The following APP variants were observed in gnomAD, a reference collection of about 807,000 sequenced individuals.
The protein encoded by APP is amyloid beta precursor protein.
APP carries 31 observed loss-of-function variants against 101.4 expected under a neutral mutation model. That is an observed-to-expected ratio of 0.31 (90% CI 0.23 to 0.41). APP has a LOEUF of 0.41. Among genes scored for constraint, APP ranks in the 10% least tolerant of loss-of-function variants. The probability of loss-of-function intolerance (pLI) is 1.00; values close to 1 mark genes in which losing one functional copy is unlikely to be tolerated. For missense variants in APP, 839 were observed against 1,003.7 expected (o/e 0.84, Z 2.22); for synonymous variants, 366 against 364.4 (o/e 1.00, Z -0.05).
At position 25,982,055 on chromosome 21, in the gene APP, T is replaced by C. The variant is rs137976973; in HGVS notation, c.1224+289A>G. ...CAACATGTTGATTACAGGTACTACA[T>C]ATACACAGAATAATAATGCCAAGTA... On this transcript the variant is annotated intron_variant, in intron 9 of 17. Transcript: ENST00000346798. 4.7e-3 allele frequency among the ~76,000 whole-genome samples: 709 copies of C among 152,316 alleles called. 6 individuals are homozygous for C. Among genetic ancestry groups the C allele is most frequent in the South Asian group, 8.3e-3 (40 of 4,832 alleles).
At chr21:26,159,357 G>A (rs1021383148) in intron 1 of APP, among the ~76,000 whole-genome samples, 6 of 152,216 alleles carry the variant, frequency 3.9e-5, no homozygotes, top group African/African-American at 1.4e-4. Flanking sequence ...GGGATTACAG[G>A]TGTAAGCCAC....
intron 3 of APP, among the ~76,000 whole-genome samples, chr21:26,077,794 AG>A (rs1285779549): frequency 2.6e-5 from 4 of 151,424 alleles, no homozygotes; most frequent in Non-Finnish European, 5.9e-5. Context: ...AAAAAAAAAA[AG>A]ACAGACACTC....
chr21:25,908,078 G>C (rs1009937066), intron 14 of APP, among the ~76,000 whole-genome samples: 4 of 152,244 alleles, frequency 2.6e-5, no homozygotes, highest in Admixed American at 2.6e-4. Context: ...ATGCTATGCT[G>C]CTCTTTGTGG....
At chr21:25,972,456 A>T (rs1348020915) in intron 11 of APP, among the ~76,000 whole-genome samples, 1 of 151,346 alleles carries the variant, frequency 6.6e-6, no homozygotes, top group African/African-American at 2.4e-5. Flanking sequence ...ACCCAGCAAA[A>T]ATATTTTTCA....
chr21:26,040,267 A>G (rs936095692), intron 5 of APP, among the ~76,000 whole-genome samples: 1 of 152,160 alleles, frequency 6.6e-6, no homozygotes, highest in Non-Finnish European at 1.5e-5. Context: ...GGGATGCTCA[A>G]CCTGTATTTT....
intron 1 of APP, among the ~76,000 whole-genome samples, chr21:26,129,982 A>G (rs2062759892): frequency 6.6e-6 from 1 of 152,236 alleles, no homozygotes; most frequent in African/African-American, 2.4e-5. Flanking sequence ...ATAAATTAAA[A>G]GCAACAGGTA....
chr21:26,075,052 T>G (rs2061477368), intron 3 of APP, among the ~76,000 whole-genome samples: 1 of 152,216 alleles, frequency 6.6e-6, no homozygotes, highest in Non-Finnish European at 1.5e-5. Flanking sequence ...TTTGCCATAA[T>G]CTCAGAAATT....
At chr21:25,885,197 G>C (rs532795445) in intron 17 of APP, among the ~76,000 whole-genome samples, 1 of 152,328 alleles carries the variant, frequency 6.6e-6, no homozygotes, top group African/African-American at 2.4e-5. Context: ...TTGAAAGCTA[G>C]ATGCGAAAAT....
chr21:26,133,621 C>T (rs1448797323), intron 1 of APP, among the ~76,000 whole-genome samples: 1 of 152,044 alleles, frequency 6.6e-6, no homozygotes, highest in East Asian at 1.9e-4. Flanking sequence ...CTCATCTCTA[C>T]TAAAAATACA....
chr21:26,013,266 G>A (rs1568855204), intron 6 of APP, among the ~76,000 whole-genome samples: 1 of 152,062 alleles, frequency 6.6e-6, no homozygotes, highest in Non-Finnish European at 1.5e-5. Context: ...GCAGTGAGCC[G>A]AGATCGCGCC....
intron 6 of APP, among the ~76,000 whole-genome samples, chr21:26,001,896 A>G (rs190928645): frequency 0.033 from 160 of 4,786 alleles, 1 homozygote; most frequent in African/African-American, 0.1. Context: ...CTCTGTCAGT[A>G]ACTCAGAGGG....
chr21:26,151,513 G>T (rs1385551605), intron 1 of APP, among the ~76,000 whole-genome samples: 1 of 151,762 alleles, frequency 6.6e-6, no homozygotes, highest in African/African-American at 2.4e-5. Flanking sequence ...ACCACCATGC[G>T]TAACACTACT....
chr21:26,162,226 G>A (rs2063506476), intron 1 of APP, among the ~76,000 whole-genome samples: 1 of 152,220 alleles, frequency 6.6e-6, no homozygotes, highest in Non-Finnish European at 1.5e-5. Flanking sequence ...CTACTCTGGA[G>A]GCTGGGGCAG....
At chr21:26,137,604 C>T (rs1214004984) in intron 1 of APP, among the ~76,000 whole-genome samples, 3 of 152,136 alleles carry the variant, frequency 2.0e-5, no homozygotes, top group Non-Finnish European at 4.4e-5. Flanking sequence ...GAAATGACCA[C>T]AGACGCTAAG....
intron 1 of APP, among the ~76,000 whole-genome samples, chr21:26,133,064 C>T (rs1284136297): frequency 1.3e-5 from 2 of 151,582 alleles, no homozygotes; most frequent in African/African-American, 2.4e-5. Context: ...TGGCAAAACC[C>T]CGTCTCTAAA....
At chr21:25,895,423 C>CA (rs2037974212) in intron 16 of APP, among the ~76,000 whole-genome samples, 1 of 152,168 alleles carries the variant, frequency 6.6e-6, no homozygotes, top group African/African-American at 2.4e-5. Context: ...CTTGGCCTCC[C>CA]AAAGTGCTGG....
intron 3 of APP, chr21:26,089,501 CCTTTT>C (rs1455344591): frequency 8.4e-6 from 1 of 119,612 alleles, no homozygotes; most frequent in Non-Finnish European, 1.7e-5. Flanking sequence ...TGTAGAACAG[CCTTTT>C]TTTTTTTTTT....
In APP at chr21:26,112,104, T is replaced by C. The variant is rs1601492248; in HGVS notation, c.100A>G (p.Ile34Val). The change falls in exon 2 of 18, where the codon ATT becomes GTT. Residue 34 changes from isoleucine to valine, a missense_variant. By Grantham distance (29) the Ile-to-Val change is conservative (BLOSUM62 3). Transcript: ENST00000346798. Reference protein sequence around the residue: ...GNAGLLAEPQIAMFCGRLNMH... With the variant: ...GNAGLLAEPQVAMFCGRLNMH... ...TTCAGTCTGCCACAGAACATGGCAA[T>C]CTGGGGTTCAGCCAGCAGGCCAGCA... 1 of 1,614,126 alleles carries C rather than the reference T, an allele frequency of 6.2e-7. No individual in the cohort carries two copies. Among genetic ancestry groups the C allele is most frequent in the South Asian group, 1.1e-5 (1 of 91,086 alleles).
At chr21:26,024,741 C>A (rs943252960) in intron 5 of APP, among the ~76,000 whole-genome samples, 2 of 152,082 alleles carry the variant, frequency 1.3e-5, no homozygotes, top group African/African-American at 4.8e-5. Flanking sequence ...ACTCTGATTA[C>A]GTAGGATACA....
Sources: gnomAD v4.1 joint callset for allele counts (sites outside exome capture counted in the v4.1 genomes callset) on GRCh38, gnomAD v4.1.1 for gene constraint, MANE v1.5 for transcripts, NCBI Gene and HGNC (gene_info 2026-07-23, HGNC 2026-07-21) for gene names.